The following PCA3 variants were observed in gnomAD, a reference collection of about 807,000 sequenced individuals.
PCA3 encodes Differential Display code 3.
chr9:76,782,673 A>G (rs1354446386), intron 2 of PCA3: 1 of 152,246 alleles, frequency 6.6e-6, no homozygotes, highest in Non-Finnish European at 1.5e-5. Flanking sequence ...CTAAGGAATT[A>G]CAACACATAT....
intron 2 of PCA3, among the ~76,000 whole-genome samples, chr9:76,773,120 C>G (rs1042246720): frequency 1.3e-5 from 2 of 152,184 alleles, no homozygotes; most frequent in Admixed American, 6.5e-5. Flanking sequence ...CTTTATATTA[C>G]TTTAAGTTCA....
At chr9:76,774,461 T>TTTTTTA (rs2053507435) in intron 2 of PCA3, among the ~76,000 whole-genome samples, 1 of 74,816 alleles carries the variant, frequency 1.3e-5, no homozygotes, top group African/African-American at 6.8e-5. Context: ...TTTTTTTTTT[T>TTTTTTA]TTTTTTTTTT....
chr9:76,777,170 A>G (rs549325359), intron 2 of PCA3, among the ~76,000 whole-genome samples: 1 of 152,250 alleles, frequency 6.6e-6, no homozygotes, highest in Non-Finnish European at 1.5e-5. Flanking sequence ...GAAGAAATGC[A>G]ATGACCCAAA....
chr9:76,779,108 T>G (rs1319448262), intron 2 of PCA3, among the ~76,000 whole-genome samples: 1 of 152,234 alleles, frequency 6.6e-6, no homozygotes, highest in African/African-American at 2.4e-5. Context: ...AAGAACAGGT[T>G]TCATTAAACA....
At chr9:76,769,512 G>A (rs186048523) in intron 2 of PCA3, among the ~76,000 whole-genome samples, 209 of 151,934 alleles carry the variant, frequency 1.4e-3, no homozygotes, top group Non-Finnish European at 2.4e-3. Context: ...CGCAACCTCC[G>A]CCCCCCGGGT....
intron 2 of PCA3, among the ~76,000 whole-genome samples, chr9:76,766,182 CAA>C (rs35059224): frequency 2.4e-4 from 27 of 112,336 alleles, no homozygotes; most frequent in African/African-American, 7.4e-4. Flanking sequence ...GACTCTGCCT[CAA>C]AAAAAAAAAA....
intron 2 of PCA3, among the ~76,000 whole-genome samples, chr9:76,766,965 C>T (rs771162748): frequency 6.6e-6 from 1 of 152,174 alleles, no homozygotes; most frequent in Non-Finnish European, 1.5e-5. Context: ...TCATCTACCT[C>T]TCCCACCTCG....
intron 2 of PCA3, chr9:76,784,120 C>T (rs1564296747): frequency 6.6e-6 from 1 of 152,232 alleles, no homozygotes; most frequent in African/African-American, 2.4e-5. Context: ...TCACAGATCC[C>T]TGGGAGAAAT....
At chr9:76,777,607 T>C (rs1239741874) in intron 2 of PCA3, among the ~76,000 whole-genome samples, 1 of 152,186 alleles carries the variant, frequency 6.6e-6, no homozygotes. Context: ...CAGTATTAAA[T>C]AAAACAGACA....
intron 2 of PCA3, among the ~76,000 whole-genome samples, chr9:76,769,538 G>A (rs2052853298): frequency 6.6e-6 from 1 of 152,110 alleles, no homozygotes; most frequent in South Asian, 2.1e-4. Flanking sequence ...TGATTCTCCT[G>A]CCTCAGCCTC....
intron 2 of PCA3, among the ~76,000 whole-genome samples, chr9:76,773,914 G>A (rs1486056782): frequency 6.6e-6 from 1 of 152,094 alleles, no homozygotes; most frequent in African/African-American, 2.4e-5. Flanking sequence ...GAATAAAGCA[G>A]GTAGAGAAAT....
At chr9:76,772,128 G>C (rs2053181405) in intron 2 of PCA3, among the ~76,000 whole-genome samples, 1 of 152,116 alleles carries the variant, frequency 6.6e-6, no homozygotes, top group African/African-American at 2.4e-5. Context: ...TTCCGCCCTT[G>C]TAAGCTGAAG....
intron 2 of PCA3, among the ~76,000 whole-genome samples, chr9:76,765,167 C>A (rs2052202386): frequency 6.6e-6 from 1 of 152,034 alleles, no homozygotes; most frequent in Non-Finnish European, 1.5e-5. Flanking sequence ...AGAGAAAAGT[C>A]AATGAGCTGG....
intron 2 of PCA3, among the ~76,000 whole-genome samples, chr9:76,768,907 A>T (rs1332741447): frequency 6.6e-6 from 1 of 152,188 alleles, no homozygotes; most frequent in African/African-American, 2.4e-5. Context: ...GCTGTACTTT[A>T]TAAAAAATTT....
In PCA3 at chr9:76,780,664, C is replaced by A. The variant is rs185796905; in HGVS notation, n.853-27919C>A. ...TGAGATCGCCCCACTGCACTCCAGC[C>A]TGGGCGACAGAGCAAGACTCCGTCT... On this transcript the variant is annotated intron_variant and non_coding_transcript_variant, in intron 2 of 5. Transcript: ENST00000644657. 3.0e-3 allele frequency among the ~76,000 whole-genome samples: 454 copies of A among 152,318 alleles called. 6 individuals carry two copies. Among genetic ancestry groups the A allele is most frequent in the African/African-American group, 0.011 (442 of 41,558 alleles).
intron 2 of PCA3, among the ~76,000 whole-genome samples, chr9:76,769,241 C>T (rs1395645426): frequency 6.6e-6 from 1 of 152,194 alleles, no homozygotes; most frequent in African/African-American, 2.4e-5. Context: ...TTAAATTATA[C>T]ACACTATTCT....
intron 2 of PCA3, among the ~76,000 whole-genome samples, chr9:76,783,472 T>G (rs1484535441): frequency 6.6e-6 from 1 of 152,162 alleles, no homozygotes; most frequent in Non-Finnish European, 1.5e-5. Flanking sequence ...AGAGGGGACC[T>G]CAAGAGAATG....
At chr9:76,768,623 G>GTGTATA (rs1491356086) in intron 2 of PCA3, among the ~76,000 whole-genome samples, 2 of 130,150 alleles carry the variant, frequency 1.5e-5, no homozygotes, top group African/African-American at 5.6e-5. Context: ...GTGTGTGTGT[G>GTGTATA]TATATCCCTG....
chr9:76,766,704 T>C (rs1360315375), intron 2 of PCA3, among the ~76,000 whole-genome samples: 1 of 152,160 alleles, frequency 6.6e-6, no homozygotes, highest in East Asian at 1.9e-4. Flanking sequence ...TCAATTTTGC[T>C]CCTGCTTTAG....
Sources: gnomAD v4.1 joint callset for allele counts (sites outside exome capture counted in the v4.1 genomes callset) on GRCh38, gnomAD v4.1.1 for gene constraint, MANE v1.5 for transcripts, NCBI Gene and HGNC (gene_info 2026-07-23, HGNC 2026-07-21) for gene names.